The following IKZF3 variants were observed in gnomAD, a reference collection of about 807,000 sequenced individuals.
IKZF3 encodes the protein IKAROS family zinc finger 3, also known as zinc finger protein Aiolos.
In IKZF3, 10 loss-of-function variants were observed where a neutral mutation model predicts 49.0. The observed-to-expected ratio is 0.20, with a 90% CI of 0.13 to 0.35. The LOEUF (loss-of-function observed/expected upper bound fraction) is 0.35, where lower values mean the gene tolerates loss of function less well. Among genes scored for constraint, IKZF3 ranks in the 10% least tolerant of loss-of-function variants. The probability of loss-of-function intolerance (pLI) is 1.00; values close to 1 mark genes in which losing one functional copy is unlikely to be tolerated. For synonymous variants in IKZF3, 209 were observed against 228.2 expected (o/e 0.92, Z 0.76); for missense variants, 498 against 664.8 (o/e 0.75, Z 2.76).
rs1267026355 is a variant in IKZF3, at chr17:39,761,074, GC to G, written c.*4715del. The G allele has an allele frequency of 6.6e-6, 1 of 151,836 alleles. No individual in the cohort carries two copies. Among genetic ancestry groups the G allele is most frequent in the Non-Finnish European group, 1.5e-5 (1 of 67,946 alleles). The allele number at this position is 151,836 out of a possible 1,614,324, so 9.4% of individuals were successfully genotyped here. A position where few individuals can be genotyped will look rare whatever the true frequency, so the allele number is the denominator to read the frequency against. On this transcript the variant is annotated 3_prime_UTR_variant, in exon 8 of 8. Transcript: ENST00000346872. ...AGGCTGAGGTAGGAGGATTGTTTGAGCCTAGGAGATCAAAATCTGAGGTCAT... is the reference window on the plus strand; with the variant it reads ...AGGCTGAGGTAGGAGGATTGTTTGAGCTAGGAGATCAAAATCTGAGGTCAT...
At chr17:39,851,834 A>T (rs1166722445) in intron 1 of IKZF3, among the ~76,000 whole-genome samples, 1 of 152,146 alleles carries the variant, frequency 6.6e-6, no homozygotes, top group African/African-American at 2.4e-5. Flanking sequence ...ATACTCACAC[A>T]TCTCCAAATA....
intron 1 of IKZF3, among the ~76,000 whole-genome samples, chr17:39,853,798 C>A (rs2062953983): frequency 6.9e-6 from 1 of 144,932 alleles, no homozygotes; most frequent in African/African-American, 2.6e-5. Context: ...TCGCACCATT[C>A]CACTCCAGCC....
chr17:39,862,245 GAT>G (rs202227901), intron 1 of IKZF3, among the ~76,000 whole-genome samples: 3,540 of 152,158 alleles, frequency 0.023, 60 homozygotes, highest in Non-Finnish European at 0.037. Flanking sequence ...TTAATTAAAA[GAT>G]AAATGAATTT....
chr17:39,855,039 A>C (rs1445750005), intron 1 of IKZF3, among the ~76,000 whole-genome samples: 2 of 152,150 alleles, frequency 1.3e-5, no homozygotes, highest in African/African-American at 4.8e-5. Context: ...AGTAGGAAAA[A>C]CATGTAACGG....
chr17:39,772,868 C>G (rs2060479652), intron 7 of IKZF3, among the ~76,000 whole-genome samples: 1 of 152,058 alleles, frequency 6.6e-6, no homozygotes, highest in Non-Finnish European at 1.5e-5. Context: ...CTCTGTTGCC[C>G]AAGCTGGTGC....
intron 1 of IKZF3, among the ~76,000 whole-genome samples, chr17:39,852,038 A>G (rs1199404137): frequency 6.6e-6 from 1 of 152,210 alleles, no homozygotes; most frequent in Admixed American, 6.5e-5. Flanking sequence ...CATGTCATGC[A>G]TAAACTAAAT....
chr17:39,777,141 C>T (rs1246463037), intron 7 of IKZF3, among the ~76,000 whole-genome samples: 6 of 152,178 alleles, frequency 3.9e-5, no homozygotes, highest in Non-Finnish European at 8.8e-5. Context: ...TCCAGTAAGA[C>T]AAATGATTAA....
At chr17:39,855,814 C>T (rs993470703) in intron 1 of IKZF3, among the ~76,000 whole-genome samples, 54 of 152,220 alleles carry the variant, frequency 3.5e-4, no homozygotes, top group Middle Eastern at 3.4e-3. Flanking sequence ...GTAATCTTTG[C>T]TTCAAAGTTG....
chr17:39,789,423 C>T lies in IKZF3; in HGVS notation c.593-1049G>A, dbSNP rs369410942. Among the ~76,000 whole-genome samples the T allele has an allele frequency of 1.8e-4, 28 of 152,222 alleles. No individual in the cohort carries two copies. The East Asian group carries it at 2.7e-3, about 15-fold the overall frequency. On this transcript the variant is annotated intron_variant, in intron 5 of 7. Transcript: ENST00000346872. ...ACTAAAAATACAAAAATTAGCCAGG[C>T]GTGATGGCGTGACCCTTTAGTCCCA...
intron 5 of IKZF3, among the ~76,000 whole-genome samples, chr17:39,789,544 C>T (rs1459036273): frequency 6.6e-6 from 1 of 151,354 alleles, no homozygotes; most frequent in Non-Finnish European, 1.5e-5. Context: ...GCCTGGGCGG[C>T]AGAGTGAGAC....
chr17:39,864,242 C>A lies in IKZF3; in HGVS notation c.-116G>T. ...GGGAGATTCCCGGCGCGGGGAGTCC[C>A]CGGGATCCGGCAGCCGCGTCGGCGC... On this transcript the variant is annotated 5_prime_UTR_variant, in exon 1 of 8. Transcript: ENST00000346872. The A allele has an allele frequency of 8.0e-7, 1 of 1,243,744 alleles. No individual in the cohort carries two copies. The highest frequency in any genetic ancestry group is 1.1e-6 in the Non-Finnish European group (1 of 893,378). 77.0% of individuals were successfully genotyped at this position (1,243,744 alleles called of 1,614,324 possible). A position where few individuals can be genotyped will look rare whatever the true frequency, so the allele number is the denominator to read the frequency against.
intron 6 of IKZF3, chr17:39,778,027 A>AAGT: frequency 8.8e-7 from 1 of 1,131,058 alleles, no homozygotes; most frequent in East Asian, 5.1e-5. Context: ...TAGCAAGAGG[A>AAGT]AGTATTAAAT....
chr17:39,852,471 C>G (rs1338986226), intron 1 of IKZF3, among the ~76,000 whole-genome samples: 2 of 152,184 alleles, frequency 1.3e-5, no homozygotes, highest in African/African-American at 4.8e-5. Context: ...ACATAGCTGA[C>G]CACCCACTCC....
At chr17:39,824,967 T>C (rs1273719966) in intron 3 of IKZF3, among the ~76,000 whole-genome samples, 2 of 152,166 alleles carry the variant, frequency 1.3e-5, no homozygotes, top group Non-Finnish European at 1.5e-5. Flanking sequence ...AGAGCTGGGA[T>C]TACGGGTGTG....
chr17:39,782,569 G>C (rs1181923076), intron 6 of IKZF3, among the ~76,000 whole-genome samples: 1 of 152,156 alleles, frequency 6.6e-6, no homozygotes, highest in African/African-American at 2.4e-5. Context: ...GGACCCAACT[G>C]TCTATTTATA....
At chr17:39,788,448 C>T in intron 5 of IKZF3, 74 bp from the exon 6 acceptor site, 1 of 840,382 alleles carries the variant, frequency 1.2e-6, no homozygotes, top group Non-Finnish European at 2.1e-6. Flanking sequence ...GGCTCTGTGA[C>T]AACTGTTCAC....
At chr17:39,797,200 T>C (rs2061188775) in intron 3 of IKZF3, among the ~76,000 whole-genome samples, 1 of 151,754 alleles carries the variant, frequency 6.6e-6, no homozygotes, top group South Asian at 2.1e-4. Context: ...AAGCTATGCT[T>C]ACTGCCTCTA....
At position 39,791,447 on chromosome 17, in the gene IKZF3, A is replaced by C; in HGVS notation, c.561T>G (p.Asp187Glu). 6.2e-7 allele frequency: 1 copy of C among 1,613,934 alleles called. No homozygotes were observed. Among genetic ancestry groups the C allele is most frequent in the Non-Finnish European group, 8.5e-7 (1 of 1,179,942 alleles). The change falls in exon 5 of 8, where the codon GAT (aspartate) becomes GAG (glutamate). Residue 187 changes from aspartate to glutamate, a missense_variant. Around this residue, in one of 3 missense-constraint regions of IKZF3, gnomAD observed 84 missense variants for 168.6 expected, o/e 0.50. Transcript: ENST00000346872. The stretch of plus-strand genomic sequence containing the variant: ...GTGTCCTAAGATGCCCCGTGAGCGC[A>C]TCTCTTCTTTGGCATGCATAGTTGC... ...HLCNYACQRR[D>E]ALTGHLRTHS...
chr17:39,855,010 G>A (rs2062996539), intron 1 of IKZF3, among the ~76,000 whole-genome samples: 1 of 152,158 alleles, frequency 6.6e-6, no homozygotes, highest in Non-Finnish European at 1.5e-5. Context: ...AAAGAGGCAA[G>A]TCTAGATACA....
Sources: gnomAD v4.1 joint callset for allele counts (sites outside exome capture counted in the v4.1 genomes callset) on GRCh38, gnomAD v4.1.1 for gene constraint, gnomAD v4.1.1 regional missense constraint, MANE v1.5 for transcripts, NCBI Gene and HGNC (gene_info 2026-07-23, HGNC 2026-07-21) for gene names.